Variants in ARHGAP32 observed in about 807,000 individuals in gnomAD.
The protein encoded by ARHGAP32 is Rho GTPase activating protein 32.
A neutral mutation model predicts 186.5 loss-of-function variants in ARHGAP32; 51 were observed. The observed-to-expected ratio is 0.27, with a 90% CI of 0.22 to 0.35. ARHGAP32 has a LOEUF of 0.35. ARHGAP32 is among the 10% of genes least tolerant of loss of function. The pLI is 1.00. For synonymous variants in ARHGAP32, 950 were observed against 964.3 expected (o/e 0.99, Z 0.27); for missense variants, 2,186 against 2,623.5 (o/e 0.83, Z 3.64).
chr11:129,043,308 A>T (rs953902194), intron 10 of ARHGAP32, among the ~76,000 whole-genome samples: 30 of 148,688 alleles, frequency 2.0e-4, no homozygotes, highest in Admixed American at 1.9e-3. Context: ...GAGTTGAATT[A>T]TGTTCAAGCT....
At chr11:129,267,157 C>T (rs1945412890) in intron 1 of ARHGAP32, among the ~76,000 whole-genome samples, 1 of 152,052 alleles carries the variant, frequency 6.6e-6, no homozygotes, top group Non-Finnish European at 1.5e-5. Flanking sequence ...ATCAGGAGTT[C>T]GAGACCAACC....
chr11:129,278,713 G>T (rs1945567330), intron 1 of ARHGAP32, among the ~76,000 whole-genome samples: 1 of 151,590 alleles, frequency 6.6e-6, no homozygotes, highest in Admixed American at 6.6e-5. Flanking sequence ...ACGCACACCT[G>T]GGGGCGGGAC....
At chr11:129,073,982 A>T (rs1253087096) in intron 6 of ARHGAP32, among the ~76,000 whole-genome samples, 1 of 152,190 alleles carries the variant, frequency 6.6e-6, no homozygotes, top group Non-Finnish European at 1.5e-5. Context: ...CTAGAATTCC[A>T]TACTCTGCAA....
chr11:128,981,768 A>C (rs896622622), intron 16 of ARHGAP32, 61 bp downstream of exon 16: 5 of 1,310,842 alleles, frequency 3.8e-6, no homozygotes, highest in Non-Finnish European at 5.4e-6. Flanking sequence ...AAGAACACTG[A>C]TGAATCAGCC....
intron 12 of ARHGAP32, among the ~76,000 whole-genome samples, 183 bp downstream of exon 12, chr11:128,998,136 T>G (rs932197078): frequency 2.0e-5 from 3 of 152,172 alleles, no homozygotes; most frequent in Admixed American, 6.5e-5. Context: ...AATGCCAAAG[T>G]GCATTCTTAG....
chr11:129,107,868 C>CA (rs71057924), intron 5 of ARHGAP32, among the ~76,000 whole-genome samples: 3,927 of 92,806 alleles, frequency 0.042, 166 homozygotes, highest in Middle Eastern at 0.1. Flanking sequence ...AACTATGTTT[C>CA]AAAAAAAAAA....
chr11:129,131,108 T>C (rs1235793628), intron 2 of ARHGAP32, among the ~76,000 whole-genome samples: 1 of 152,150 alleles, frequency 6.6e-6, no homozygotes, highest in Non-Finnish European at 1.5e-5. Flanking sequence ...ATTACATTTA[T>C]ATGAAGTTCA....
chr11:129,203,808 G>A (rs1349040878), intron 1 of ARHGAP32, among the ~76,000 whole-genome samples: 1 of 149,920 alleles, frequency 6.7e-6, no homozygotes, highest in Non-Finnish European at 1.5e-5. Flanking sequence ...AGGCTGAGGT[G>A]AGAGGCTTGA....
chr11:129,195,032 C>T (rs929801322), upstream of ARHGAP32, among the ~76,000 whole-genome samples: 1 of 151,380 alleles, frequency 6.6e-6, no homozygotes, highest in African/African-American at 2.4e-5. Context: ...TGCAGTGGCA[C>T]GATCTCGACT....
At chr11:129,099,092 G>C (rs1565421469) in intron 5 of ARHGAP32, among the ~76,000 whole-genome samples, 1 of 152,084 alleles carries the variant, frequency 6.6e-6, no homozygotes, top group Non-Finnish European at 1.5e-5. Context: ...AAAACATATA[G>C]AAAAATGAGA....
intron 1 of ARHGAP32, among the ~76,000 whole-genome samples, chr11:129,256,483 G>A (rs555039704): frequency 6.6e-6 from 1 of 152,220 alleles, no homozygotes; most frequent in African/African-American, 2.4e-5. Context: ...GCAAGATGAA[G>A]CCGGGGACTT....
At chr11:129,263,878 C>T (rs1360538799) in intron 1 of ARHGAP32, among the ~76,000 whole-genome samples, 1 of 152,104 alleles carries the variant, frequency 6.6e-6, no homozygotes, top group Admixed American at 6.6e-5. Context: ...CCAGCAATTC[C>T]ACTTCTGGAT....
At chr11:129,103,816 T>C in intron 5 of ARHGAP32, among the ~76,000 whole-genome samples, 1 of 151,940 alleles carries the variant, frequency 6.6e-6, no homozygotes, top group East Asian at 1.9e-4. Context: ...TTAAGCAACA[T>C]AAAAATATTC....
At chr11:129,169,403 G>A (rs1189734252) in intron 1 of ARHGAP32, among the ~76,000 whole-genome samples, 4 of 151,826 alleles carry the variant, frequency 2.6e-5, no homozygotes, top group East Asian at 1.9e-4. Context: ...AGGCTGAGGC[G>A]GGTGGATCAC....
chr11:129,180,483 T>C (rs1944032796), intron 1 of ARHGAP32, among the ~76,000 whole-genome samples: 1 of 152,170 alleles, frequency 6.6e-6, no homozygotes, highest in African/African-American at 2.4e-5. Context: ...GACTTTATTA[T>C]ATGTGTTATA....
At chr11:128,971,336 T>C (rs1316234948) in intron 22 of ARHGAP32, 177 bp from the exon 23 acceptor site, 1 of 575,104 alleles carries the variant, frequency 1.7e-6, no homozygotes. Flanking sequence ...TGCTGCTATT[T>C]TGTACAACAC....
At chr11:129,029,889 A>T (rs1034756432) in intron 11 of ARHGAP32, among the ~76,000 whole-genome samples, 1 of 150,526 alleles carries the variant, frequency 6.6e-6, no homozygotes, top group Non-Finnish European at 1.5e-5. Flanking sequence ...CAGGGTTGTG[A>T]CCAGATTCAT....
chr11:129,206,958 T>C (rs1360946773), intron 1 of ARHGAP32, among the ~76,000 whole-genome samples: 2 of 152,046 alleles, frequency 1.3e-5, no homozygotes, highest in Non-Finnish European at 2.9e-5. Context: ...TCTGTGTCCA[T>C]GTGTTCTCAC....
At position 128,974,126 on chromosome 11, in the gene ARHGAP32, G is replaced by T; in HGVS notation, c.3071C>A (p.Thr1024Lys). 1 of 1,614,092 alleles carries T rather than the reference G, an allele frequency of 6.2e-7. No homozygotes were observed. The highest frequency in any genetic ancestry group is 8.5e-7 in the Non-Finnish European group (1 of 1,179,994). Residue 1024 changes from threonine to lysine, a missense_variant and splice_region_variant, in exon 21 of 23, where the codon ACA (threonine) becomes AAA (lysine). By Grantham distance (78) the Thr-to-Lys change is moderately conservative. Coordinates refer to ENST00000682385, the MANE Select transcript of ARHGAP32 (RefSeq NM_001378024.1). ...GAATGGAGGAAAACAAACGGTACCT[G>T]TCTGAGTCTGTCCAGAAGCTACAGC... ...SKAVASGQTQ[T>K]GAVTHDPPQD...
Sources: allele counts gnomAD v4.1 joint callset (sites outside exome capture counted in the v4.1 genomes callset), GRCh38; gene constraint gnomAD v4.1.1; transcripts MANE v1.5; gene names NCBI Gene and HGNC (gene_info 2026-07-23, HGNC 2026-07-21).